The following ATRNL1 variants were observed in gnomAD, a reference collection of about 807,000 sequenced individuals.
The protein encoded by ATRNL1 is attractin-like protein 1.
In ATRNL1, 95 loss-of-function variants were observed where a neutral mutation model predicts 182.7. The observed-to-expected ratio is 0.52, with a 90% CI of 0.44 to 0.62. The LOEUF is 0.62. ATRNL1 is among the 20% of genes least tolerant of loss of function. The probability of loss-of-function intolerance (pLI) is 0.00; values close to 1 mark genes in which losing one functional copy is unlikely to be tolerated. For missense variants in ATRNL1, 1,471 were observed against 1,679.5 expected (o/e 0.88, Z 2.17); for synonymous variants, 576 against 568.3 (o/e 1.01, Z -0.19).
At chr10:115,492,996 A>G (rs1013098832) in intron 24 of ATRNL1, among the ~76,000 whole-genome samples, 1 of 152,120 alleles carries the variant, frequency 6.6e-6, no homozygotes, top group African/African-American at 2.4e-5. Flanking sequence ...TGTCATTCAT[A>G]TGTATATGTA....
intron 18 of ATRNL1, among the ~76,000 whole-genome samples, chr10:115,318,971 T>C (rs1184521701): frequency 6.6e-6 from 1 of 152,126 alleles, no homozygotes; most frequent in African/African-American, 2.4e-5. Flanking sequence ...CTAGTTCTTT[T>C]AGTTGTGATG....
chr10:115,840,181 G>A (rs1555096648), intron 27 of ATRNL1, among the ~76,000 whole-genome samples: 1 of 152,072 alleles, frequency 6.6e-6, no homozygotes, highest in Non-Finnish European at 1.5e-5. Context: ...AGGCTTTCCG[G>A]GGCAGTGTTG....
In ATRNL1 at chr10:115,628,261, T is replaced by C. The variant is rs144470450; in HGVS notation, c.3795+78725T>C. ...TTTTGCCATCACTTATTTTTGATTT[T>C]TAAAATTATACAGCTATTCTCATGG... On this transcript the variant is annotated intron_variant, in intron 26 of 28. Coordinates refer to ENST00000355044, the MANE Select transcript of ATRNL1 (RefSeq NM_207303.4). Among the ~76,000 whole-genome samples the C allele has an allele frequency of 1.7e-3, 264 of 152,334 alleles. 1 individual carries two copies. Among genetic ancestry groups the C allele is most frequent in the African/African-American group, 6.1e-3 (252 of 41,590 alleles).
At chr10:115,605,654 A>G (rs186743562) in intron 26 of ATRNL1, among the ~76,000 whole-genome samples, 4 of 152,106 alleles carry the variant, frequency 2.6e-5, no homozygotes, top group Admixed American at 1.3e-4. Context: ...GTATTTCAGC[A>G]TATTTTATTA....
chr10:115,099,346 T>C (rs2085101460), intron 1 of ATRNL1, among the ~76,000 whole-genome samples: 1 of 152,232 alleles, frequency 6.6e-6, no homozygotes, highest in African/African-American at 2.4e-5. Context: ...GACATTTGGA[T>C]TGTTTCAAAT....
At chr10:115,299,999 C>A in intron 15 of ATRNL1, 35 bp from the exon 16 acceptor site, 1 of 1,502,748 alleles carries the variant, frequency 6.7e-7, no homozygotes, top group Non-Finnish European at 9.2e-7. Context: ...TTACATCTAA[C>A]TTTCTTTGAA....
intron 19 of ATRNL1, among the ~76,000 whole-genome samples, chr10:115,375,625 G>T (rs782276000): frequency 2.2e-4 from 33 of 151,490 alleles, no homozygotes; most frequent in African/African-American, 7.8e-4. Context: ...TATCTTTTGT[G>T]CATGTACTAG....
intron 20 of ATRNL1, among the ~76,000 whole-genome samples, chr10:115,406,359 TTA>T (rs1297594641): frequency 2.0e-5 from 3 of 152,214 alleles, no homozygotes; most frequent in Non-Finnish European, 4.4e-5. Context: ...ATCAGTATTC[TTA>T]TATGTTTCCT....
intron 5 of ATRNL1, among the ~76,000 whole-genome samples, chr10:115,156,092 T>G (rs1846503708): frequency 6.6e-6 from 1 of 152,140 alleles, no homozygotes; most frequent in Non-Finnish European, 1.5e-5. Flanking sequence ...AGGTTTGAAT[T>G]ATCTCAAGTG....
chr10:115,364,833 C>T (rs1210031135), intron 19 of ATRNL1, among the ~76,000 whole-genome samples: 6 of 150,106 alleles, frequency 4.0e-5, no homozygotes, highest in South Asian at 2.1e-4. Context: ...TATTGATTTG[C>T]GTATATTGAA....
intron 24 of ATRNL1, among the ~76,000 whole-genome samples, chr10:115,471,081 A>T (rs1554972020): frequency 6.6e-6 from 1 of 150,676 alleles, no homozygotes; most frequent in Non-Finnish European, 1.5e-5. Flanking sequence ...ATTTAGCATC[A>T]TGTCCTTCAG....
At chr10:115,913,825 G>A (rs1484128688) in intron 28 of ATRNL1, among the ~76,000 whole-genome samples, 3 of 152,144 alleles carry the variant, frequency 2.0e-5, no homozygotes, top group African/African-American at 7.2e-5. Flanking sequence ...ACTGTGACTG[G>A]GGACATCTCA....
At chr10:115,747,437 T>C (rs1406003929) in intron 27 of ATRNL1, among the ~76,000 whole-genome samples, 1 of 152,102 alleles carries the variant, frequency 6.6e-6, no homozygotes, top group Non-Finnish European at 1.5e-5. Flanking sequence ...GATAACTCAG[T>C]GGTAATACTG....
intron 4 of ATRNL1, among the ~76,000 whole-genome samples, chr10:115,128,118 CAG>C (rs1431565673): frequency 2.0e-5 from 3 of 152,124 alleles, no homozygotes; most frequent in Admixed American, 1.3e-4. Context: ...GTCCCTATTG[CAG>C]AGACTGTACT....
chr10:115,291,810 G>GTTTTTTTT (rs869274544), intron 15 of ATRNL1, among the ~76,000 whole-genome samples: 1 of 120,098 alleles, frequency 8.3e-6, no homozygotes. Flanking sequence ...TGGCCTCTAG[G>GTTTTTTTT]TTTTTTTTTT....
intron 13 of ATRNL1, among the ~76,000 whole-genome samples, chr10:115,277,274 A>G (rs1041549802): frequency 2.0e-5 from 3 of 152,080 alleles, no homozygotes; most frequent in African/African-American, 7.2e-5. Flanking sequence ...ATTTTTTAGG[A>G]TGAATAAAGA....
chr10:115,683,113 A>G (rs1224891581), intron 26 of ATRNL1, among the ~76,000 whole-genome samples: 1 of 152,128 alleles, frequency 6.6e-6, no homozygotes, highest in African/African-American at 2.4e-5. Flanking sequence ...AAATTGATAA[A>G]GTTTTTAATT....
intron 19 of ATRNL1, among the ~76,000 whole-genome samples, chr10:115,391,366 A>G (rs1844009516): frequency 6.6e-6 from 1 of 152,160 alleles, no homozygotes; most frequent in Non-Finnish European, 1.5e-5. Flanking sequence ...GAGCCTGACA[A>G]TGCAGGGACT....
Position 115,340,471 on chromosome 10 carries a change from C to CTTTTTTTTTTT in ATRNL1, c.3175+6056_3175+6057insTTTTTTTTTTT, listed in dbSNP as rs1197538123. ...TCTTTCTTTTTTTTTCTTTTCTTTT[C>CTTTTTTTTTTT]TTTTCTTTTTTTTTTTTTTTGGTGT... On this transcript the variant is annotated intron_variant, in intron 19 of 28. Coordinates refer to ENST00000355044, the MANE Select transcript of ATRNL1 (RefSeq NM_207303.4). Among the ~76,000 whole-genome samples, 14 of 89,568 alleles carry CTTTTTTTTTTT rather than the reference C, an allele frequency of 1.6e-4. 1 individual carries two copies. The highest frequency in any genetic ancestry group is 9.2e-4 in the East Asian group (3 of 3,260). The allele number at this position is 89,568 out of a possible 152,430, so 58.8% of individuals were successfully genotyped here.
Sources: allele counts gnomAD v4.1 joint callset (sites outside exome capture counted in the v4.1 genomes callset), GRCh38; gene constraint gnomAD v4.1.1; transcripts MANE v1.5; gene names NCBI Gene and HGNC (gene_info 2026-07-23, HGNC 2026-07-21).